NFYB: variants seen among roughly 807,000 people sequenced by gnomAD.
NFYB encodes the protein nuclear transcription factor Y subunit beta.
A neutral mutation model predicts 28.0 loss-of-function variants in NFYB; 13 were observed. That is an observed-to-expected ratio of 0.46 (90% CI 0.30 to 0.74). The LOEUF is 0.74. Ranked by LOEUF, NFYB falls within the 30% of genes least tolerant of loss-of-function variation. The pLI is 0.07. For synonymous variants in NFYB, 74 were observed against 75.0 expected (o/e 0.99, Z 0.07); for missense variants, 142 against 247.6 (o/e 0.57, Z 2.86).
Position 104,123,211 on chromosome 12 carries a change from A to C in NFYB, c.429+15T>G. ...AGAAGAAAAAAAAAAGCACAATGGG[A>C]GATATTTTATTTACCTCTCTGAATT... On this transcript the variant is annotated intron_variant, in intron 5 of 7. Transcript: ENST00000240055. The C allele has an allele frequency of 6.4e-7, 1 of 1,564,678 alleles. No individual in the cohort carries two copies. Among genetic ancestry groups the C allele is most frequent in the Non-Finnish European group, 8.7e-7 (1 of 1,147,534 alleles).
At chr12:104,125,849 C>CAAAAAA (rs374433754) in intron 4 of NFYB, among the ~76,000 whole-genome samples, 2 of 72,206 alleles carry the variant, frequency 2.8e-5, no homozygotes, top group Non-Finnish European at 5.0e-5. Context: ...ACTCTGTCCC[C>CAAAAAA]AAAAAAAAAA....
chr12:104,122,398 GTAATA>G (rs2030511028), intron 5 of NFYB, among the ~76,000 whole-genome samples: 1 of 152,208 alleles, frequency 6.6e-6, no homozygotes, highest in South Asian at 2.1e-4. Flanking sequence ...TTTAAGTACT[GTAATA>G]TAAGTCAGTG....
At chr12:104,122,865 T>C (rs553262325) in intron 5 of NFYB, among the ~76,000 whole-genome samples, 7 of 152,162 alleles carry the variant, frequency 4.6e-5, no homozygotes, top group Admixed American at 2.6e-4. Context: ...ATAAATAATG[T>C]CTCTTATTTT....
intron 2 of NFYB, among the ~76,000 whole-genome samples, chr12:104,129,666 C>T (rs768809429): frequency 4.0e-4 from 61 of 152,088 alleles, no homozygotes; most frequent in Admixed American, 2.2e-3. Flanking sequence ...ATCACTTGGG[C>T]CCAGAAGTTC....
chr12:104,125,545 T>C (rs985655125), intron 4 of NFYB, among the ~76,000 whole-genome samples: 2 of 149,940 alleles, frequency 1.3e-5, no homozygotes. Context: ...TCTGACAACG[T>C]ACCTATTTTT....
chr12:104,126,723 C>T (rs1344826988), intron 3 of NFYB, among the ~76,000 whole-genome samples: 2 of 152,096 alleles, frequency 1.3e-5, no homozygotes, highest in Non-Finnish European at 1.5e-5. Flanking sequence ...ATTTATTATA[C>T]GACTTAGCTA....
intron 5 of NFYB, among the ~76,000 whole-genome samples, chr12:104,122,547 T>C (rs1309464032): frequency 2.0e-5 from 3 of 152,272 alleles, no homozygotes; most frequent in African/African-American, 7.2e-5. Context: ...AGCGGCCACG[T>C]GAGATTCTCA....
At chr12:104,134,986 C>G (rs2136673922) in intron 2 of NFYB, among the ~76,000 whole-genome samples, 1 of 152,346 alleles carries the variant, frequency 6.6e-6, no homozygotes. Flanking sequence ...GTTGCCCATC[C>G]TGCCATCAGG....
intron 2 of NFYB, among the ~76,000 whole-genome samples, chr12:104,129,997 A>G (rs1264831294): frequency 6.6e-6 from 1 of 152,224 alleles, no homozygotes; most frequent in East Asian, 1.9e-4. Flanking sequence ...GCTGAGAGCT[A>G]AAAGAATTCC....
chr12:104,127,583 TAAAAAAAA>T (rs71069718), intron 3 of NFYB, among the ~76,000 whole-genome samples: 1 of 82,482 alleles, frequency 1.2e-5, no homozygotes, highest in African/African-American at 4.8e-5. Flanking sequence ...AAATAAAAAA[TAAAAAAAA>T]AAAAAAAATT....
At chr12:104,122,449 C>T (rs1404982768) in intron 5 of NFYB, among the ~76,000 whole-genome samples, 1 of 152,166 alleles carries the variant, frequency 6.6e-6, no homozygotes, top group African/African-American at 2.4e-5. Flanking sequence ...GATGAGTGTC[C>T]GTGGCCTGTT....
intron 4 of NFYB, among the ~76,000 whole-genome samples, chr12:104,125,761 T>C (rs2030679109): frequency 6.7e-6 from 1 of 149,254 alleles, no homozygotes; most frequent in Admixed American, 6.8e-5. Flanking sequence ...GGCAGGAGAA[T>C]TGCTTGAACC....
chr12:104,127,663 C>CTTTTTTT (rs71069719), intron 3 of NFYB, among the ~76,000 whole-genome samples: 8 of 92,880 alleles, frequency 8.6e-5, no homozygotes, highest in African/African-American at 3.7e-4. Context: ...ATAACACTGC[C>CTTTTTTT]TTTTTTTTTT....
chr12:104,130,394 C>G (rs2030879064), intron 2 of NFYB, among the ~76,000 whole-genome samples: 1 of 152,192 alleles, frequency 6.6e-6, no homozygotes, highest in South Asian at 2.1e-4. Context: ...TTTCATGCAT[C>G]TGTTGACTGT....
Position 104,120,442 on chromosome 12 carries a change from A to T in NFYB, c.549T>A (p.Gly183=), listed in dbSNP as rs765516252. The T allele has an allele frequency of 4.3e-6, 7 of 1,613,960 alleles. No individual in the cohort carries two copies. In the Admixed American group the frequency reaches 1.2e-4, roughly 27 times the overall value. Residue 183 remains glycine, a synonymous_variant, in exon 7 of 8, where the codon GGT becomes GGA. Transcript: ENST00000240055. ...TGTAAACCATAACATTTTGTTGTTG[A>T]CCGTCTGTGGTTATTAAGCCAGCTG... ...QLPAGLITTD[G]QQQNVMVYTT...
At chr12:104,137,698 G>A (rs2031163525) in intron 1 of NFYB, 2 of 148,500 alleles carry the variant, frequency 1.3e-5, no homozygotes, top group Non-Finnish European at 3.0e-5. Flanking sequence ...CGCCCCCGGG[G>A]ACTCGCGCCG....
At position 104,137,889 on chromosome 12, in the gene NFYB, T is replaced by A. The variant is rs1241872252; in HGVS notation, c.-80+252A>T. 3 of 145,366 alleles carry A rather than the reference T, an allele frequency of 2.1e-5. No homozygotes were observed. The East Asian group carries it at 6.1e-4, about 29-fold the overall frequency. The allele number at this position is 145,366 out of a possible 1,614,324, so 9.0% of individuals were successfully genotyped here. A position where few individuals can be genotyped will look rare whatever the true frequency, so the allele number is the denominator to read the frequency against. Reference sequence around the variant, plus strand: ...CGAGGGTGAGGTGGCCTGGCCCGCGTCCCGCCGCTCCTCAGCCCGGCGCAC... The same window carrying A: ...CGAGGGTGAGGTGGCCTGGCCCGCGACCCGCCGCTCCTCAGCCCGGCGCAC... On this transcript the variant is annotated intron_variant, in intron 1 of 7. Transcript: ENST00000240055.
intron 1 of NFYB, 67 bp from the exon 2 acceptor site, chr12:104,135,599 T>C: frequency 1.7e-6 from 1 of 589,308 alleles, no homozygotes; most frequent in Non-Finnish European, 2.8e-6. Flanking sequence ...ATGTATCACT[T>C]ATAGGCTTTT....
intron 2 of NFYB, among the ~76,000 whole-genome samples, chr12:104,133,638 G>A (rs1477970673): frequency 6.6e-6 from 1 of 152,182 alleles, no homozygotes; most frequent in Non-Finnish European, 1.5e-5. Context: ...TGTAATCTTA[G>A]TATTGCCCCC....
Sources: allele counts gnomAD v4.1 joint callset (sites outside exome capture counted in the v4.1 genomes callset), GRCh38; gene constraint gnomAD v4.1.1; transcripts MANE v1.5; gene names NCBI Gene and HGNC (gene_info 2026-07-23, HGNC 2026-07-21).